SHMT1: variants seen among roughly 807,000 people sequenced by gnomAD.
The protein encoded by SHMT1 is serine hydroxymethyltransferase 1.
Under a neutral mutation model 49.0 loss-of-function variants are expected in SHMT1, and 45 were observed. The observed-to-expected ratio is 0.92, with a 90% CI of 0.72 to 1.18. The LOEUF (loss-of-function observed/expected upper bound fraction) is 1.18, where lower values mean the gene tolerates loss of function less well. SHMT1 is among the 50% of genes most tolerant of loss of function. The pLI is 0.00. For synonymous variants in SHMT1, 232 were observed against 246.6 expected (o/e 0.94, Z 0.55); for missense variants, 541 against 612.4 (o/e 0.88, Z 1.23).
chr17:18,346,902 G>A (rs1985134998), intron 5 of SHMT1, among the ~76,000 whole-genome samples: 1 of 152,188 alleles, frequency 6.6e-6, no homozygotes, highest in Non-Finnish European at 1.5e-5. Flanking sequence ...AATAACGCAT[G>A]TCACTTTTGC....
In SHMT1 at chr17:18,329,284, G is replaced by T; in HGVS notation, c.1276C>A (p.His426Asn). 6.2e-7 allele frequency: 1 copy of T among 1,609,574 alleles called. No individual in the cohort carries two copies. Among genetic ancestry groups the T allele is most frequent in the Non-Finnish European group, 8.5e-7 (1 of 1,176,426 alleles). ...KDFQKVAHFI[H>N]RGIELTLQIQ... ...TCCAAACTTTTATCCTTACCTCTGT[G>T]AATAAAGTGGGCTACTTTTTGGAAG... is the stretch of plus-strand genomic sequence containing the variant. The change falls in exon 11 of 12, where the codon CAC becomes AAC. Residue 426 changes from histidine (H) to asparagine (N), a missense_variant. Transcript: ENST00000316694.
Position 18,340,981 on chromosome 17 carries a change from A to G in SHMT1, c.520-168T>C. 1 of 654,958 alleles carries G rather than the reference A, an allele frequency of 1.5e-6. No individual in the cohort carries two copies. Among genetic ancestry groups the G allele is most frequent in the Non-Finnish European group, 2.8e-6 (1 of 358,404 alleles). 40.6% of individuals were successfully genotyped at this position (654,958 alleles called of 1,614,324 possible). On this transcript the variant is annotated intron_variant, in intron 5 of 11. Transcript: ENST00000316694. The surrounding 1 kb of genome is among the most constrained non-coding windows in gnomAD (Gnocchi z 4.5). ...CTGGTGTGTTCAGCCTGCTCAACCA[A>G]GTATGGCTCACAGACCCAGGAGTCC... is the stretch of plus-strand genomic sequence containing the variant.
chr17:18,347,890 G>A (rs953896603), intron 4 of SHMT1, among the ~76,000 whole-genome samples: 12 of 151,464 alleles, frequency 7.9e-5, no homozygotes, highest in Admixed American at 2.6e-4. Flanking sequence ...AGAGGGATGC[G>A]TGACTTATCT....
intron 5 of SHMT1, among the ~76,000 whole-genome samples, chr17:18,346,376 T>G (rs1026576993): frequency 6.6e-6 from 1 of 152,202 alleles, no homozygotes; most frequent in Non-Finnish European, 1.5e-5. Context: ...CCTTCGTTTT[T>G]ATAGATAAAT....
chr17:18,339,855 T>A (rs1984293718), intron 7 of SHMT1, among the ~76,000 whole-genome samples, 188 bp downstream of exon 7: 1 of 152,204 alleles, frequency 6.6e-6, no homozygotes. Context: ...CCACCTCACC[T>A]GGCCGGGAAT....
chr17:18,349,157 C>T (rs891724625), intron 3 of SHMT1, among the ~76,000 whole-genome samples: 2 of 151,958 alleles, frequency 1.3e-5, no homozygotes, highest in African/African-American at 4.8e-5. Context: ...TGGTGGCTCA[C>T]GCCTGTAATC....
rs539925379 is a variant in SHMT1, at chr17:18,361,084, T to C, written c.-20+2288A>G. Among the ~76,000 whole-genome samples the C allele has an allele frequency of 9.9e-5, 15 of 151,888 alleles. 1 individual carries two copies. In the East Asian group the frequency reaches 2.9e-3, roughly 30 times the overall value. ...ACTTTGGGAGGCCAAGGCGGGTGCATCACCCCAGGTCAGGAGTTCGAGACC... is the reference window on the plus strand; with the variant it reads ...ACTTTGGGAGGCCAAGGCGGGTGCACCACCCCAGGTCAGGAGTTCGAGACC... On this transcript the variant is annotated intron_variant, in intron 1 of 11. Transcript: ENST00000316694.
rs1355622006 is a variant in SHMT1 at position 18,347,717 on chromosome 17, G to A, written c.359-61C>T. The A allele has an allele frequency of 1.3e-5, 21 of 1,597,298 alleles. No homozygotes were observed. The East Asian group carries it at 3.1e-4, about 24-fold the overall frequency. ...CTAACTGAGGTACCAAGTGGCATCC[G>A]GGACCTTGGCCACTAAGCCTTCACC... On this transcript the variant is annotated intron_variant, in intron 4 of 11. Coordinates refer to ENST00000316694, the MANE Select transcript of SHMT1 (RefSeq NM_004169.5).
intron 7 of SHMT1, among the ~76,000 whole-genome samples, chr17:18,339,571 T>A (rs944246110): frequency 1.3e-5 from 2 of 151,938 alleles, no homozygotes; most frequent in Non-Finnish European, 2.9e-5. Context: ...CTTTCTTTTT[T>A]TTTTTTTGAG....
chr17:18,328,447 C>CTT lies in SHMT1; in HGVS notation c.*302_*303insAA. On this transcript the variant is annotated 3_prime_UTR_variant, in exon 12 of 12. Coordinates refer to ENST00000316694, the MANE Select transcript of SHMT1 (RefSeq NM_004169.5). ...TTCTAACAGCTTTGCCCTACACCAC[C>CTT]ATCTAAATGATTATGACCAAGTGGC... The CTT allele has an allele frequency of 2.4e-6, 1 of 412,616 alleles. No individual in the cohort carries two copies. The highest frequency in any genetic ancestry group is 4.5e-6 in the Non-Finnish European group (1 of 220,536). The allele number at this position is 412,616 out of a possible 1,614,324, so 25.6% of individuals were successfully genotyped here.
At chr17:18,347,182 G>A (rs1448099464) in intron 5 of SHMT1, among the ~76,000 whole-genome samples, 2 of 152,206 alleles carry the variant, frequency 1.3e-5, no homozygotes, top group African/African-American at 2.4e-5. Flanking sequence ...GGGTCCAACT[G>A]TAGTGACCTG....
In SHMT1 at chr17:18,335,568, C is replaced by T. The variant is rs1324469163; in HGVS notation, c.922G>A (p.Ala308Thr). 1.7e-5 allele frequency: 28 copies of T among 1,605,162 alleles called. No homozygotes were observed. Among genetic ancestry groups the T allele is most frequent in the East Asian group, 4.5e-5 (2 of 44,842 alleles). Residue 308 changes from alanine to threonine, a missense_variant, in exon 8 of 12, where the codon GCC becomes ACC. Transcript: ENST00000316694. ...PGLQGGPHNH[A>T]IAGVAVALKQ... ...GCAGATGATGTTTTACCAGCAATGGCGTGGTTGTGGGGACCTCCCTGCAGG... is the reference window on the plus strand; with the variant it reads ...GCAGATGATGTTTTACCAGCAATGGTGTGGTTGTGGGGACCTCCCTGCAGG...
intron 9 of SHMT1, chr17:18,331,049 G>T (rs928243103): frequency 5.6e-6 from 2 of 358,734 alleles, no homozygotes; most frequent in Non-Finnish European, 1.1e-5. Context: ...ATTTACTTTG[G>T]GGGGTAAGGG....
intron 10 of SHMT1, among the ~76,000 whole-genome samples, chr17:18,329,613 G>A (rs548983892): frequency 1.3e-5 from 2 of 152,306 alleles, no homozygotes; most frequent in East Asian, 3.9e-4. Context: ...GTGGTCTGAT[G>A]TGCCCCTTGC....
rs866055908 is a variant in SHMT1, at chr17:18,333,922, G to C, written c.932-634C>G. On this transcript the variant is annotated intron_variant, in intron 8 of 11. Transcript: ENST00000316694. ...AGTCTCCCGAGTAGGTGGGACTACA[G>C]GTGCATCCTACCACACCTGGCTAAT... Among the ~76,000 whole-genome samples, 29 of 152,062 alleles carry C rather than the reference G, an allele frequency of 1.9e-4. 1 individual carries two copies. Among genetic ancestry groups the C allele is most frequent in the African/African-American group, 6.8e-4 (28 of 41,420 alleles).
chr17:18,334,580 G>A (rs1364785273), intron 8 of SHMT1, among the ~76,000 whole-genome samples: 1 of 152,152 alleles, frequency 6.6e-6, no homozygotes, highest in African/African-American at 2.4e-5. Flanking sequence ...AGCTCTCTAA[G>A]GTCAGAGCGC....
rs1413371896 is a variant in SHMT1 at position 18,338,140 on chromosome 17, C to T, written c.814+1903G>A. 6.0e-5 allele frequency among the ~76,000 whole-genome samples: 9 copies of T among 150,956 alleles called. 1 individual carries two copies. The highest frequency in any genetic ancestry group is 1.0e-4 in the Non-Finnish European group (7 of 67,664). The stretch of plus-strand genomic sequence containing the variant: ...CTAGGAAGTGAGGAGCGTCTCTGCC[C>T]GGCCGCCCATCATCTGAGATGTGGG... On this transcript the variant is annotated intron_variant, in intron 7 of 11. Transcript: ENST00000316694.
chr17:18,340,212 C>T lies in SHMT1; in HGVS notation c.645G>A (p.Arg215=), dbSNP rs758391400. Residue 215 remains arginine, a synonymous_variant, in exon 7 of 12, where the codon CGG becomes CGA. Transcript: ENST00000316694. The surrounding 1 kb of genome is among the most constrained non-coding windows in gnomAD (Gnocchi z 4.5). ...ACGCCCCGTTCTCATCTGCAATCTT[C>T]CGTAGCCGGGCATATTCCAGGTTTC... ...YSRNLEYARL[R]KIADENGAYL... 9 of 1,614,230 alleles carry T rather than the reference C, an allele frequency of 5.6e-6. No homozygotes were observed. Among genetic ancestry groups the T allele is most frequent in the Non-Finnish European group, 7.6e-6 (9 of 1,180,036 alleles).
chr17:18,328,896 G>C lies in SHMT1; in HGVS notation c.1306C>G (p.Gln436Glu). The C allele has an allele frequency of 6.2e-7, 1 of 1,613,898 alleles. No individual in the cohort carries two copies. The highest frequency in any genetic ancestry group is 8.5e-7 in the Non-Finnish European group (1 of 1,179,986). The change falls in exon 12 of 12, where the codon CAG becomes GAG. Residue 436 changes from glutamine to glutamate, a missense_variant. Gln to Glu is a conservative substitution (Grantham distance 29). Transcript: ENST00000316694. ...HRGIELTLQI[Q>E]SDTGVRATLK... ...GTGGCTCTGACACCAGTGTCGCTCT[G>C]GATCTGCAGGGTCAGCTCTATCCCT...
Sources: allele counts gnomAD v4.1 joint callset (sites outside exome capture counted in the v4.1 genomes callset), GRCh38; gene constraint gnomAD v4.1.1; non-coding constraint Gnocchi (gnomAD v3.1); transcripts MANE v1.5; gene names NCBI Gene and HGNC (gene_info 2026-07-23, HGNC 2026-07-21).